The following PGM3 variants were observed in gnomAD, a reference collection of about 807,000 sequenced individuals.
The protein encoded by PGM3 is phosphoglucomutase 3, also known as phosphoacetylglucosamine mutase.
In PGM3, 40 loss-of-function variants were observed where a neutral mutation model predicts 66.2. The observed-to-expected ratio is 0.60, with a 90% confidence interval of 0.47 to 0.79. The LOEUF is 0.79. PGM3 is among the 30% of genes least tolerant of loss of function. The pLI, the probability that PGM3 is intolerant of heterozygous loss-of-function variation, is 0.00. For missense variants in PGM3, 537 were observed against 643.4 expected (o/e 0.83, Z 1.79); for synonymous variants, 191 against 224.2 (o/e 0.85, Z 1.32).
downstream of PGM3, among the ~76,000 whole-genome samples, chr6:83,157,485 T>C (rs1253686150): frequency 6.6e-6 from 1 of 152,234 alleles, no homozygotes; most frequent in Non-Finnish European, 1.5e-5. Flanking sequence ...TCAGATTCCA[T>C]TTCCATACAG....
At chr6:83,173,627 T>C (rs534334206) in intron 10 of PGM3, among the ~76,000 whole-genome samples, 20 of 152,318 alleles carry the variant, frequency 1.3e-4, no homozygotes, top group African/African-American at 4.3e-4. Context: ...TGCAAGACAC[T>C]CAAATAATTG....
intron 12 of PGM3, chr6:83,169,966 C>T (rs1299828663): frequency 2.6e-6 from 1 of 381,360 alleles, no homozygotes; most frequent in Non-Finnish European, 5.0e-6. Flanking sequence ...GTTTTCATGT[C>T]ACAAGAGTAT....
the PGM3 span, among the ~76,000 whole-genome samples, chr6:83,154,905 T>C: frequency 6.6e-6 from 1 of 152,226 alleles, no homozygotes; most frequent in South Asian, 2.1e-4. Flanking sequence ...GTTTTCTCAT[T>C]TGGAAAAAGG....
chr6:83,187,020 C>G lies in PGM3; in HGVS notation c.445G>C (p.Gly149Arg). Residue 149 changes from glycine to arginine, a missense_variant, in exon 4 of 13, where the codon GGT (glycine) becomes CGT (arginine). Gly to Arg is a moderately radical substitution (Grantham distance 125). Coordinates refer to ENST00000513973, the MANE Select transcript of PGM3 (RefSeq NM_015599.3). ...GATAACTACATACCATGGAATTGACCTCCTAGAACAGTCACACCATCTATT... is the reference window on the plus strand; with the variant it reads ...GATAACTACATACCATGGAATTGACGTCCTAGAACAGTCACACCATCTATT... ...SVIDGVTVLG[G>R]QFHDYGLLTT... 1 of 1,579,974 alleles carries G rather than the reference C, an allele frequency of 6.3e-7. No individual in the cohort carries two copies. Among genetic ancestry groups the G allele is most frequent in the Non-Finnish European group, 8.7e-7 (1 of 1,151,624 alleles).
chr6:83,148,888 T>G, the PGM3 span: 4 of 1,351,238 alleles, frequency 3.0e-6, no homozygotes, highest in Non-Finnish European at 4.0e-6. Context: ...TTAATATTAT[T>G]TCAAATAAAA....
At chr6:83,184,964 T>G (rs1161194525) in intron 4 of PGM3, among the ~76,000 whole-genome samples, 1 of 152,226 alleles carries the variant, frequency 6.6e-6, no homozygotes, top group East Asian at 1.9e-4. Flanking sequence ...ATTAACCTTT[T>G]TTCATTTACT....
the PGM3 span, chr6:83,151,732 A>C: frequency 6.7e-7 from 1 of 1,494,536 alleles, no homozygotes; most frequent in East Asian, 2.3e-5. Context: ...GAGTCAAATA[A>C]AATAAACTGA....
chr6:83,164,636 G>C (rs1021667596), downstream of PGM3: 2 of 1,557,644 alleles, frequency 1.3e-6, no homozygotes. Context: ...CAAAGGCTGT[G>C]AGTTCTCCTC....
chr6:83,171,948 G>T lies in PGM3; in HGVS notation c.1354C>A (p.Leu452Ile), dbSNP rs201593125. The change falls in exon 11 of 13, where the codon CTT (leucine) becomes ATT (isoleucine). Residue 452 changes from leucine (L) to isoleucine (I), a missense_variant. Physicochemically the swap from Leu to Ile is conservative, Grantham distance 5. Coordinates refer to ENST00000513973, the MANE Select transcript of PGM3 (RefSeq NM_015599.3). ...AGTTTCTCTCACACCTGAACTTTAA[G>T]TTGTCTGTTTGGAAGATCTGTATAG... ...ALYTDLPNRQ[L>I]KVQVADRRVI... 1,227 of 1,612,912 alleles carry T rather than the reference G, an allele frequency of 7.6e-4. 4 individuals are homozygous for T. The highest frequency in any genetic ancestry group is 9.3e-4 in the Admixed American group (56 of 59,970).
chr6:83,192,288 G>A (rs1789185485), intron 1 of PGM3, among the ~76,000 whole-genome samples: 1 of 152,094 alleles, frequency 6.6e-6, no homozygotes, highest in South Asian at 2.1e-4. Context: ...ACAAAAAATC[G>A]GCCCTTAGCC....
intron 4 of PGM3, among the ~76,000 whole-genome samples, chr6:83,184,847 A>G (rs2128501046): frequency 6.6e-6 from 1 of 152,292 alleles, no homozygotes; most frequent in East Asian, 1.9e-4. Context: ...TTGCATCTGG[A>G]ATAGAGCCCA....
intron 11 of PGM3, among the ~76,000 whole-genome samples, 190 bp downstream of exon 11, chr6:83,171,747 A>G (rs1787195191): frequency 6.6e-6 from 1 of 152,198 alleles, no homozygotes; most frequent in African/African-American, 2.4e-5. Context: ...TTGGCCTCCC[A>G]AAGTGCTGGG....
At chr6:83,173,012 T>C (rs1023479085) in intron 10 of PGM3, among the ~76,000 whole-genome samples, 2 of 152,202 alleles carry the variant, frequency 1.3e-5, no homozygotes, top group Admixed American at 6.5e-5. Flanking sequence ...CAGTATTCTA[T>C]AAAACCACCT....
At chr6:83,152,184 C>T in the PGM3 span, 3 of 727,444 alleles carry the variant, frequency 4.1e-6, no homozygotes, top group African/African-American at 1.9e-5. Context: ...TATACATATA[C>T]ATATATATAT....
At chr6:83,187,241 A>G (rs1228671721) in intron 3 of PGM3, among the ~76,000 whole-genome samples, 166 bp from the exon 4 acceptor site, 1 of 152,192 alleles carries the variant, frequency 6.6e-6, no homozygotes, top group Non-Finnish European at 1.5e-5. Flanking sequence ...AATTATAAGC[A>G]TTTTCCAGTA....
chr6:83,179,191 A>G (rs1787993528), intron 7 of PGM3, among the ~76,000 whole-genome samples: 1 of 151,780 alleles, frequency 6.6e-6, no homozygotes, highest in Admixed American at 6.6e-5. Flanking sequence ...TGCATCTGTA[A>G]TCCCAGCTAC....
At position 83,172,050 on chromosome 6, in the gene PGM3, C is replaced by T. The variant is rs1302142949; in HGVS notation, c.1252G>A (p.Asp418Asn). 6.2e-7 allele frequency: 1 copy of T among 1,613,856 alleles called. No homozygotes were observed. Among genetic ancestry groups the T allele is most frequent in the East Asian group, 2.2e-5 (1 of 44,866 alleles). The change falls in exon 11 of 13, where the codon GAT (aspartate) becomes AAT (asparagine). Residue 418 changes from aspartate to asparagine, a missense_variant. By Grantham distance (23) the Asp-to-Asn change is conservative. Transcript: ENST00000513973. ...ATCACCAGCATGTCAGAAATAGCATCACCAGCTGCCTGCAAATGGGGAAAC... is the reference window on the plus strand; with the variant it reads ...ATCACCAGCATGTCAGAAATAGCATTACCAGCTGCCTGCAAATGGGGAAAC... ...IIDLFNQAAG[D>N]AISDMLVIEA...
rs1206873466 is a variant in PGM3 at position 83,166,927 on chromosome 6, T to C, written c.*2307A>G. 7 of 987,252 alleles carry C rather than the reference T, an allele frequency of 7.1e-6. No homozygotes were observed. Among genetic ancestry groups the C allele is most frequent in the African/African-American group, 1.7e-5 (1 of 57,404 alleles). 61.2% of individuals were successfully genotyped at this position (987,252 alleles called of 1,614,324 possible). ...TGATTTCTTCCTTCTGTCTAGTTCA[T>C]TGCTTATTTTCATTCTTTAGTGTGG... On this transcript the variant is annotated 3_prime_UTR_variant, in exon 13 of 13. Transcript: ENST00000513973.
At chr6:83,170,225 G>T in intron 12 of PGM3, 80 bp downstream of exon 12, 2 of 1,301,976 alleles carry the variant, frequency 1.5e-6, no homozygotes, top group Non-Finnish European at 2.2e-6. Context: ...ATCATAGTGA[G>T]ATTCTAAAAA....
Sources: allele counts gnomAD v4.1 joint callset (sites outside exome capture counted in the v4.1 genomes callset), GRCh38; gene constraint gnomAD v4.1.1; transcripts MANE v1.5; gene names NCBI Gene and HGNC (gene_info 2026-07-23, HGNC 2026-07-21).